Variants in PDGFC observed in about 807,000 individuals in gnomAD.
PDGFC encodes platelet derived growth factor C.
PDGFC carries 12 observed loss-of-function variants against 35.5 expected under a neutral mutation model. The observed-to-expected ratio is 0.34, with a 90% CI of 0.22 to 0.55. The LOEUF (loss-of-function observed/expected upper bound fraction) is 0.55. Ranked by LOEUF, PDGFC falls within the 20% of genes least tolerant of loss-of-function variation. PDGFC has a pLI of 0.91. For missense variants in PDGFC, 322 were observed against 412.4 expected, an observed-to-expected ratio of 0.78 and a Z score of 1.90; for synonymous variants, 159 against 148.8, an observed-to-expected ratio of 1.07 and a Z score of -0.50.
rs1729425982 is a variant in PDGFC at position 156,850,415 on chromosome 4, T to A, written c.120A>T (p.Gly40=). 6.4e-7 allele frequency: 1 copy of A among 1,558,220 alleles called. No individual in the cohort carries two copies. The highest frequency in any genetic ancestry group is 8.7e-7 in the Non-Finnish European group (1 of 1,147,566). ...FQFSSNKEQN[G]VQDPQHERII... ...TTCTCTCATGCTGAGGATCTTGTAC[T>A]CCTAAAGCAAAAAACATAGACATAG... Residue 40 remains glycine, a splice_region_variant and synonymous_variant, in exon 2 of 6, where the codon GGA becomes GGT. Coordinates refer to ENST00000502773, the MANE Select transcript of PDGFC (RefSeq NM_016205.3).
At position 156,772,840 on chromosome 4, in the gene PDGFC, C is replaced by T; in HGVS notation, c.549G>A (p.Leu183=). The stretch of plus-strand genomic sequence containing the variant: ...CAGTTATAGCATTATTAAGCAGGTC[C>T]AGTGGCAAAGCTGAAGGGGGTAGCA... ...PSVLPPSALP[L]DLLNNAITAF... is the part of the protein sequence containing the mutation. The change falls in exon 4 of 6, where the codon CTG becomes CTA. Residue 183 remains leucine (L), a synonymous_variant. Coordinates refer to ENST00000502773, the MANE Select transcript of PDGFC (RefSeq NM_016205.3). The T allele has an allele frequency of 6.2e-7, 1 of 1,613,434 alleles. No individual in the cohort carries two copies. Among genetic ancestry groups the T allele is most frequent in the Non-Finnish European group, 8.5e-7 (1 of 1,179,486 alleles).
intron 3 of PDGFC, among the ~76,000 whole-genome samples, chr4:156,801,822 C>T (rs1176338073): frequency 6.6e-6 from 1 of 152,108 alleles, no homozygotes; most frequent in African/African-American, 2.4e-5. Flanking sequence ...AAACTCAGAA[C>T]CCCAATTCAT....
At chr4:156,806,030 G>A (rs1731746573) in intron 3 of PDGFC, among the ~76,000 whole-genome samples, 1 of 151,886 alleles carries the variant, frequency 6.6e-6, no homozygotes. Context: ...TTATAATGTG[G>A]CTATAATACT....
chr4:156,827,587 A>G (rs764322171), intron 2 of PDGFC, among the ~76,000 whole-genome samples: 3 of 151,986 alleles, frequency 2.0e-5, no homozygotes, highest in Admixed American at 2.0e-4. Flanking sequence ...ACTAAATCCA[A>G]TGGTCCTGTG....
chr4:156,875,886 G>GA (rs1196483132), intron 1 of PDGFC, among the ~76,000 whole-genome samples: 1 of 151,884 alleles, frequency 6.6e-6, no homozygotes, highest in Non-Finnish European at 1.5e-5. Context: ...CTGTTGGGGG[G>GA]AAAAAAAGTG....
chr4:156,861,757 T>C (rs1729714804), intron 1 of PDGFC, among the ~76,000 whole-genome samples: 1 of 152,148 alleles, frequency 6.6e-6, no homozygotes, highest in African/African-American at 2.4e-5. Context: ...AAGAGCATTA[T>C]TTATTCCCTT....
chr4:156,787,928 A>T (rs192001128), intron 3 of PDGFC, among the ~76,000 whole-genome samples: 8 of 152,240 alleles, frequency 5.3e-5, no homozygotes, highest in Non-Finnish European at 4.4e-5. Flanking sequence ...GCTTGAGGAG[A>T]GGGAAAATGT....
In PDGFC at chr4:156,796,800, AT is replaced by A. The variant is rs1383643030; in HGVS notation, c.495+14036del. Among the ~76,000 whole-genome samples the A allele has an allele frequency of 5.9e-5, 9 of 152,246 alleles. 1 individual carries two copies. The East Asian group carries it at 1.7e-3, about 29-fold the overall frequency. Reference sequence around the variant, plus strand: ...TATTCGAGAAATGATGCATACTATCATTATTACTATGGATAGGCTGTTGGTT... The same window carrying A: ...TATTCGAGAAATGATGCATACTATCATATTACTATGGATAGGCTGTTGGTT... On this transcript the variant is annotated intron_variant, in intron 3 of 5. Transcript: ENST00000502773.
intron 2 of PDGFC, among the ~76,000 whole-genome samples, chr4:156,827,233 T>C (rs539197301): frequency 4.2e-4 from 64 of 152,134 alleles, no homozygotes; most frequent in South Asian, 8.3e-4. Context: ...CTGGCTAACA[T>C]GGTGAAACCT....
chr4:156,785,223 C>G (rs1220049373), intron 3 of PDGFC, among the ~76,000 whole-genome samples: 1 of 152,092 alleles, frequency 6.6e-6, no homozygotes, highest in East Asian at 1.9e-4. Flanking sequence ...GAGACGGAGT[C>G]TCACTCTGTC....
Position 156,906,448 on chromosome 4 carries a change from A to T in PDGFC, c.119-56032T>A, listed in dbSNP as rs117822638. Among the ~76,000 whole-genome samples, 1,168 of 152,256 alleles carry T rather than the reference A, an allele frequency of 7.7e-3. 12 individuals are homozygous for T. Among genetic ancestry groups the T allele is most frequent in the East Asian group, 0.073 (378 of 5,178 alleles). On this transcript the variant is annotated intron_variant, in intron 1 of 5. Coordinates refer to ENST00000502773, the MANE Select transcript of PDGFC (RefSeq NM_016205.3). ...AATCACTTTCACCCTTTGATTTACTATATTTTTATAATCACTTGTAAAACG... is the reference window on the plus strand; with the variant it reads ...AATCACTTTCACCCTTTGATTTACTTTATTTTTATAATCACTTGTAAAACG...
intron 2 of PDGFC, among the ~76,000 whole-genome samples, chr4:156,837,592 A>C (rs2111043142): frequency 6.6e-6 from 1 of 152,334 alleles, no homozygotes; most frequent in East Asian, 1.9e-4. Flanking sequence ...AATTATGGAA[A>C]GTAAGGGCAT....
intron 2 of PDGFC, among the ~76,000 whole-genome samples, chr4:156,844,883 T>C (rs1729288367): frequency 6.6e-6 from 1 of 151,858 alleles, no homozygotes; most frequent in African/African-American, 2.4e-5. Context: ...AATTGATGTA[T>C]CACAAAGAAA....
chr4:156,861,917 T>G (rs1043578082), intron 1 of PDGFC, among the ~76,000 whole-genome samples: 25 of 152,114 alleles, frequency 1.6e-4, no homozygotes, highest in African/African-American at 4.1e-4. Flanking sequence ...TATTATCCCT[T>G]AATATCTTGT....
At chr4:156,877,061 T>C (rs543395339) in intron 1 of PDGFC, among the ~76,000 whole-genome samples, 1 of 152,206 alleles carries the variant, frequency 6.6e-6, no homozygotes, top group East Asian at 1.9e-4. Flanking sequence ...CTAAATGATA[T>C]AGCTTCTACA....
At chr4:156,793,585 G>A (rs1731357885) in intron 3 of PDGFC, among the ~76,000 whole-genome samples, 1 of 146,672 alleles carries the variant, frequency 6.8e-6, no homozygotes, top group Non-Finnish European at 1.5e-5. Context: ...AATGTTATAT[G>A]TGTGTGTATA....
At chr4:156,856,472 G>T (rs549712034) in intron 1 of PDGFC, among the ~76,000 whole-genome samples, 1 of 152,076 alleles carries the variant, frequency 6.6e-6, no homozygotes, top group South Asian at 2.1e-4. Context: ...ACTAGTAAAC[G>T]AGCCAGTTTC....
intron 1 of PDGFC, among the ~76,000 whole-genome samples, chr4:156,932,637 A>G (rs1413804629): frequency 1.5e-4 from 23 of 151,484 alleles, no homozygotes; most frequent in Non-Finnish European, 1.5e-5. Flanking sequence ...TCAGCAAACT[A>G]TCTCAAGGAC....
intron 2 of PDGFC, among the ~76,000 whole-genome samples, chr4:156,818,857 C>T (rs893847125): frequency 6.6e-6 from 1 of 152,096 alleles, no homozygotes; most frequent in African/African-American, 2.4e-5. Context: ...CACTTGAACT[C>T]TTAGAGGCCA....
Sources: allele counts gnomAD v4.1 joint callset (sites outside exome capture counted in the v4.1 genomes callset), GRCh38; gene constraint gnomAD v4.1.1; transcripts MANE v1.5; gene names NCBI Gene and HGNC (gene_info 2026-07-23, HGNC 2026-07-21).